Variants in RBFOX1 observed in about 807,000 individuals in gnomAD.
RBFOX1 encodes the protein RNA binding protein fox-1 homolog 1.
RBFOX1 carries 8 observed loss-of-function variants against 57.7 expected under a neutral mutation model. The ratio of observed to expected loss-of-function variants is 0.14; its 90% CI spans 0.08 to 0.25. The LOEUF is 0.25. Among genes scored for constraint, RBFOX1 ranks in the 10% least tolerant of loss-of-function variants. The pLI is 1.00. For missense variants in RBFOX1, 611 were observed against 548.5 expected (o/e 1.11, Z -1.14); for synonymous variants, 326 against 222.4 (o/e 1.47, Z -4.15).
At chr16:5,519,661 G>A (rs79616539) in intron 2 of RBFOX1, among the ~76,000 whole-genome samples, 1 of 152,152 alleles carries the variant, frequency 6.6e-6, no homozygotes. Context: ...GGAGGTCAAG[G>A]CTGCAGTGAA....
At position 7,430,368 on chromosome 16, in the gene RBFOX1, G is replaced by T. The variant is rs560045137; in HGVS notation, c.28-87779G>T. Among the ~76,000 whole-genome samples the T allele has an allele frequency of 4.3e-4, 66 of 152,182 alleles. No homozygotes were observed. In the South Asian group the frequency reaches 0.012, roughly 29 times the overall value. The stretch of plus-strand genomic sequence containing the variant: ...CAACTTCCTTCTTTGAATTAAAAAT[G>T]GTACCCACCTAGGCTGGGCGCAGTG... On this transcript the variant is annotated intron_variant, in intron 4 of 15. Transcript: ENST00000550418.
rs75817553 is a variant in RBFOX1, at chr16:5,624,149, G to T, written c.318+25188G>T. 8.9e-3 allele frequency among the ~76,000 whole-genome samples: 1,353 copies of T among 152,266 alleles called. 30 individuals are homozygous for T. The East Asian group carries it at 0.1, about 11-fold the overall frequency. On this transcript the variant is annotated intron_variant, in intron 3 of 19. Transcript: ENST00000641259. ...TTTAGGTCACTTTTAATACTCGAAG[G>T]TTTCAAAGAGTCCCTAAAAATAAGG...
chr16:6,014,871 T>C (rs2094983725), upstream of RBFOX1, among the ~76,000 whole-genome samples: 1 of 149,292 alleles, frequency 6.7e-6, no homozygotes, highest in African/African-American at 2.4e-5. Flanking sequence ...TTTTTTTTTT[T>C]CTGAGACCAA....
intron 3 of RBFOX1, among the ~76,000 whole-genome samples, chr16:6,841,471 G>A (rs772631539): frequency 2.0e-4 from 30 of 152,072 alleles, no homozygotes; most frequent in Non-Finnish European, 3.8e-4. Context: ...CATGCAACCT[G>A]AGTGGAAGGG....
intron 3 of RBFOX1, among the ~76,000 whole-genome samples, chr16:6,966,110 TG>T (rs1012489087): frequency 4.6e-5 from 7 of 152,072 alleles, no homozygotes; most frequent in Admixed American, 3.9e-4. Context: ...AACCATAGAC[TG>T]GGGGCCTAAA....
chr16:5,652,294 C>T (rs1303532523), intron 3 of RBFOX1, among the ~76,000 whole-genome samples: 1 of 152,042 alleles, frequency 6.6e-6, no homozygotes, highest in Non-Finnish European at 1.5e-5. Flanking sequence ...ATCATCAAAC[C>T]ATGTTACAGA....
chr16:7,335,584 GAAAA>G, intron 4 of RBFOX1, among the ~76,000 whole-genome samples: 1 of 74,652 alleles, frequency 1.3e-5, no homozygotes, highest in South Asian at 4.9e-4. Flanking sequence ...CTCAGATAAA[GAAAA>G]AAAAAAAAAA....
intron 2 of RBFOX1, among the ~76,000 whole-genome samples, chr16:6,562,334 G>C (rs573372043): frequency 9.8e-5 from 15 of 152,338 alleles, no homozygotes; most frequent in Admixed American, 1.3e-4. Context: ...GGCAACACTA[G>C]TATTCACTTT....
intron 15 of RBFOX1, chr16:7,709,460 T>TA: frequency 7.0e-7 from 1 of 1,431,928 alleles, no homozygotes; most frequent in African/African-American, 1.5e-5. Flanking sequence ...TTTTTTTTCT[T>TA]TTTTTTTCCC....
chr16:6,412,448 A>G (rs1443622292), intron 2 of RBFOX1, among the ~76,000 whole-genome samples: 7 of 152,222 alleles, frequency 4.6e-5, no homozygotes, highest in African/African-American at 1.7e-4. Context: ...AATTCACACT[A>G]TTCATGGACC....
At chr16:7,668,990 C>G (rs113964605) in intron 13 of RBFOX1, among the ~76,000 whole-genome samples, 2 of 152,168 alleles carry the variant, frequency 1.3e-5, no homozygotes, top group African/African-American at 2.4e-5. Context: ...TTGCAACCTC[C>G]GCTTCCAGGG....
chr16:6,724,721 C>CT lies in RBFOX1; in HGVS notation c.-16+70081dup, dbSNP rs893239675. Among the ~76,000 whole-genome samples the CT allele has an allele frequency of 5.9e-4, 89 of 150,784 alleles. 1 individual carries two copies. The highest frequency in any genetic ancestry group is 1.9e-3 in the African/African-American group (76 of 41,072). ...GTTCAGATTAGACCATATAGGGTAA[C>CT]TTTTTTTTTTAATTTTAATTTTTAT... is the stretch of plus-strand genomic sequence containing the variant. On this transcript the variant is annotated intron_variant, in intron 3 of 15. Coordinates refer to ENST00000550418, the MANE Select transcript of RBFOX1 (RefSeq NM_018723.4).
intron 3 of RBFOX1, among the ~76,000 whole-genome samples, chr16:5,703,610 A>G (rs545228151): frequency 6.6e-6 from 1 of 152,332 alleles, no homozygotes; most frequent in East Asian, 1.9e-4. Flanking sequence ...GAGACTCTGG[A>G]GTCAGGATGC....
chr16:7,020,915 C>T (rs1435623293), intron 3 of RBFOX1, among the ~76,000 whole-genome samples: 1 of 152,126 alleles, frequency 6.6e-6, no homozygotes, highest in Non-Finnish European at 1.5e-5. Context: ...TCGCTTGAGG[C>T]CAGGAGTTCT....
chr16:6,398,470 G>A (rs1029229313), intron 2 of RBFOX1, among the ~76,000 whole-genome samples: 1 of 152,046 alleles, frequency 6.6e-6, no homozygotes, highest in Non-Finnish European at 1.5e-5. Context: ...AAAATCAAAA[G>A]CAAGTTAGGT....
At chr16:7,317,412 C>T (rs2096464142) in intron 4 of RBFOX1, among the ~76,000 whole-genome samples, 1 of 152,114 alleles carries the variant, frequency 6.6e-6, no homozygotes, top group Non-Finnish European at 1.5e-5. Flanking sequence ...AATTTTTCAT[C>T]TGAACTCTAC....
intron 2 of RBFOX1, among the ~76,000 whole-genome samples, chr16:6,585,482 C>G (rs1274084035): frequency 1.3e-5 from 2 of 152,190 alleles, no homozygotes; most frequent in African/African-American, 4.8e-5. Context: ...ATGTCACATT[C>G]AAAAGACATG....
intron 2 of RBFOX1, among the ~76,000 whole-genome samples, chr16:6,386,076 C>T (rs1353197625): frequency 6.6e-6 from 1 of 152,092 alleles, no homozygotes; most frequent in Non-Finnish European, 1.5e-5. Context: ...GGTGGGACTA[C>T]AGGCGCCCGC....
At chr16:6,042,638 A>G (rs890617082) in intron 1 of RBFOX1, among the ~76,000 whole-genome samples, 1 of 152,326 alleles carries the variant, frequency 6.6e-6, no homozygotes, top group East Asian at 1.9e-4. Flanking sequence ...CTGTGCCGAT[A>G]TGAGTGACCA....
Sources: allele counts gnomAD v4.1 joint callset (sites outside exome capture counted in the v4.1 genomes callset), GRCh38; gene constraint gnomAD v4.1.1; transcripts MANE v1.5; gene names NCBI Gene and HGNC (gene_info 2026-07-23, HGNC 2026-07-21).